Variants in ZKSCAN1 observed in about 807,000 individuals in gnomAD.
The protein encoded by ZKSCAN1 is zinc finger protein with KRAB and SCAN domains 1.
In ZKSCAN1, 14 loss-of-function variants were observed where a neutral mutation model predicts 51.6. The observed-to-expected ratio is 0.27, with a 90% CI of 0.18 to 0.42. The LOEUF is 0.42. ZKSCAN1 is among the 10% of genes least tolerant of loss of function. The probability of loss-of-function intolerance (pLI) is 1.00; values close to 1 mark genes in which losing one functional copy is unlikely to be tolerated. For synonymous variants in ZKSCAN1, 263 were observed against 261.5 expected (o/e 1.01, Z -0.06); for missense variants, 531 against 710.0 (o/e 0.75, Z 2.86).
chr7:100,037,971 G>C lies in ZKSCAN1; in HGVS notation c.*3774G>C, dbSNP rs1280670927. On this transcript the variant is annotated 3_prime_UTR_variant, in exon 6 of 6. Transcript: ENST00000324306. ...CGAGGCGGAGGTTGCAGTGAGCTAA[G>C]ATCATGCCACTGGCACTCCAGCCTT... 5.3e-5 allele frequency: 51 copies of C among 966,096 alleles called. No homozygotes were observed. Among genetic ancestry groups the C allele is most frequent in the Non-Finnish European group, 6.0e-5 (49 of 812,662 alleles). 59.8% of individuals were successfully genotyped at this position (966,096 alleles called of 1,614,324 possible). A position where few individuals can be genotyped will look rare whatever the true frequency, so the allele number is the denominator to read the frequency against.
chr7:100,016,323 T>G (rs1250299700), intron 1 of ZKSCAN1, among the ~76,000 whole-genome samples: 1 of 151,998 alleles, frequency 6.6e-6, no homozygotes, highest in Non-Finnish European at 1.5e-5. Context: ...TAGTAGAGAT[T>G]ATATACACCC....
rs879836551 is a variant in ZKSCAN1 at position 100,037,526 on chromosome 7, G to A, written c.*3329G>A. The A allele has an allele frequency of 3.0e-6, 3 of 985,458 alleles. No homozygotes were observed. Among genetic ancestry groups the A allele is most frequent in the Non-Finnish European group, 3.6e-6 (3 of 829,938 alleles). The allele number at this position is 985,458 out of a possible 1,614,324, so 61.0% of individuals were successfully genotyped here. On this transcript the variant is annotated 3_prime_UTR_variant, in exon 6 of 6. Coordinates refer to ENST00000324306, the MANE Select transcript of ZKSCAN1 (RefSeq NM_003439.4). Reference sequence around the variant, plus strand: ...ATCAGAGAATTTATTCCAGAAAGGAGCCTCCTGAATGTGATGAATACGGCA... The same window carrying A: ...ATCAGAGAATTTATTCCAGAAAGGAACCTCCTGAATGTGATGAATACGGCA...
At position 100,038,604 on chromosome 7, in the gene ZKSCAN1, G is replaced by C; in HGVS notation, c.*4407G>C. On this transcript the variant is annotated 3_prime_UTR_variant, in exon 6 of 6. Transcript: ENST00000324306. Reference sequence around the variant, plus strand: ...CTTCTCCATGAAGCGAGAGTAGGAAGTGTACTGGAATGGCCAAGTGGGACT... The same window carrying C: ...CTTCTCCATGAAGCGAGAGTAGGAACTGTACTGGAATGGCCAAGTGGGACT... 1.0e-6 allele frequency: 1 copy of C among 985,470 alleles called. No homozygotes were observed. Among genetic ancestry groups the C allele is most frequent in the Non-Finnish European group, 1.2e-6 (1 of 829,946 alleles). 61.0% of individuals were successfully genotyped at this position (985,470 alleles called of 1,614,324 possible).
At position 100,040,401 on chromosome 7, in the gene ZKSCAN1, T is replaced by G; in HGVS notation, c.*6204T>G. 1 of 985,446 alleles carries G rather than the reference T, an allele frequency of 1.0e-6. No homozygotes were observed. Among genetic ancestry groups the G allele is most frequent in the Non-Finnish European group, 1.2e-6 (1 of 829,934 alleles). The allele number at this position is 985,446 out of a possible 1,614,324, so 61.0% of individuals were successfully genotyped here. A position where few individuals can be genotyped will look rare whatever the true frequency, so the allele number is the denominator to read the frequency against. ...TTAATTCAAATTGCACAGTAATCAG[T>G]AAAGTGAATACGTTTTTAAAATGGA... On this transcript the variant is annotated 3_prime_UTR_variant, in exon 6 of 6. Coordinates refer to ENST00000324306, the MANE Select transcript of ZKSCAN1 (RefSeq NM_003439.4).
chr7:100,035,725 A>C lies in ZKSCAN1; in HGVS notation c.*1528A>C, dbSNP rs1268870763. 30 of 496,700 alleles carry C rather than the reference A, an allele frequency of 6.0e-5. No individual in the cohort carries two copies. The highest frequency in any genetic ancestry group is 7.0e-5 in the Non-Finnish European group (27 of 383,474). The allele number at this position is 496,700 out of a possible 1,614,324, so 30.8% of individuals were successfully genotyped here. ...TGTGCCATCGTCATAGTGCACAGTG[A>C]CTTTTCTGTTTCTTATCACTAAAGA... On this transcript the variant is annotated 3_prime_UTR_variant, in exon 6 of 6. Coordinates refer to ENST00000324306, the MANE Select transcript of ZKSCAN1 (RefSeq NM_003439.4).
rs889997036 is a variant in ZKSCAN1 at position 100,029,943 on chromosome 7, G to A, written c.663G>A (p.Ala221=). 1.5e-5 allele frequency: 24 copies of A among 1,613,994 alleles called. No homozygotes were observed. The highest frequency in any genetic ancestry group is 4.5e-5 in the East Asian group (2 of 44,888). Residue 221 remains alanine (A), a synonymous_variant, in exon 4 of 6, where the codon GCG becomes GCA. Transcript: ENST00000324306. Reference sequence around the variant, plus strand: ...CGATGGCATCTGCACTATTCACAGCGGATTCCCAGGTGAGCTGTGGCCCCT... The same window carrying A: ...CGATGGCATCTGCACTATTCACAGCAGATTCCCAGGTGAGCTGTGGCCCCT... ...DQAMASALFT[A]DSQAMVKIED...
chr7:100,027,798 T>C (rs997105540), intron 3 of ZKSCAN1, among the ~76,000 whole-genome samples: 4 of 149,700 alleles, frequency 2.7e-5, no homozygotes, highest in African/African-American at 4.9e-5. Context: ...ACTCCACTAC[T>C]GTTGATGTTC....
Position 100,041,479 on chromosome 7 carries a change from T to C in ZKSCAN1, c.*7282T>C, listed in dbSNP as rs1006456947. ...ACCATTGGAAACCTCGAATGAGGGC[T>C]AAAGTTTTAATCATAAGAGAAAAGG... On this transcript the variant is annotated 3_prime_UTR_variant, in exon 6 of 6. Transcript: ENST00000324306. The C allele has an allele frequency of 1.2e-5, 12 of 985,336 alleles. No homozygotes were observed. In the African/African-American group the frequency reaches 1.7e-4, roughly 14 times the overall value. The allele number at this position is 985,336 out of a possible 1,614,324, so 61.0% of individuals were successfully genotyped here.
Position 100,024,267 on chromosome 7 carries a change from C to A in ZKSCAN1, c.540C>A (p.Phe180Leu). The change falls in exon 3 of 6, where the codon TTC becomes TTA. Residue 180 changes from phenylalanine to leucine, a missense_variant. Physicochemically the swap from Phe to Leu is conservative, Grantham distance 22. Around this residue, in one of 2 missense-constraint regions of ZKSCAN1, gnomAD observed 403 missense variants for 490.5 expected, o/e 0.82. Coordinates refer to ENST00000324306, the MANE Select transcript of ZKSCAN1 (RefSeq NM_003439.4). Reference protein sequence around the residue: ...DLHHEATQSHFKHSSRKPRLL... With the variant: ...DLHHEATQSHLKHSSRKPRLL... The stretch of plus-strand genomic sequence containing the variant: ...ATCACGAGGCCACCCAGTCCCACTT[C>A]AAACATTCGTCTCGGAAACCCCGCC... 6.2e-7 allele frequency: 1 copy of A among 1,614,072 alleles called. No individual in the cohort carries two copies. The highest frequency in any genetic ancestry group is 8.5e-7 in the Non-Finnish European group (1 of 1,180,030).
At chr7:100,044,641 A>T (rs1791679027), downstream of ZKSCAN1, 1 of 357,010 alleles carries the variant, frequency 2.8e-6, no homozygotes, top group African/African-American at 2.3e-5. Context: ...AGATCGTGCC[A>T]CTGCACTCCA....
chr7:100,022,785 G>A (rs1037573066), intron 1 of ZKSCAN1, among the ~76,000 whole-genome samples: 1 of 152,150 alleles, frequency 6.6e-6, no homozygotes, highest in South Asian at 2.1e-4. Flanking sequence ...AGAAGATGGT[G>A]CGTGTACTGC....
chr7:100,033,348 T>C lies in ZKSCAN1; in HGVS notation c.843T>C (p.Ala281=), dbSNP rs767123962. Residue 281 remains alanine, a synonymous_variant, in exon 6 of 6, where the codon GCT becomes GCC. Transcript: ENST00000324306. The surrounding 1 kb of genome is among the most constrained non-coding windows in gnomAD (Gnocchi z 4.1). ...AGAACGAGGAGTCAACCTCAAAGGC[T>C]GAAACCTCGGAAGATTCAGCATCAC... The part of the protein sequence containing the change: ...RNENEESTSK[A]ETSEDSASRG... The C allele has an allele frequency of 6.2e-7, 1 of 1,613,540 alleles. No homozygotes were observed. Among genetic ancestry groups the C allele is most frequent in the East Asian group, 2.2e-5 (1 of 44,876 alleles).
In ZKSCAN1 at chr7:100,033,373, C is replaced by T. The variant is rs753718927; in HGVS notation, c.868C>T (p.Arg290Cys). ...KAETSEDSAS[R>C]GETTGRSQKE... ...TGAAACCTCGGAAGATTCAGCATCA[C>T]GCGGGGAGACAACAGGAAGATCCCA... The change falls in exon 6 of 6, where the codon CGC (arginine) becomes TGC (cysteine). Residue 290 changes from arginine (R) to cysteine (C), a missense_variant. Physicochemically the swap from Arg to Cys is radical, Grantham distance 180. Around this residue, in one of 2 missense-constraint regions of ZKSCAN1, gnomAD observed 403 missense variants for 490.5 expected, o/e 0.82. Coordinates refer to ENST00000324306, the MANE Select transcript of ZKSCAN1 (RefSeq NM_003439.4). This position sits in a 1 kb window ranked among gnomAD's most constrained non-coding sequence, Gnocchi z 4.1. 14 of 1,613,840 alleles carry T rather than the reference C, an allele frequency of 8.7e-6. No homozygotes were observed. The highest frequency in any genetic ancestry group is 1.6e-4 in the Middle Eastern group (1 of 6,084).
chr7:100,043,108 G>C (rs1584360786), downstream of ZKSCAN1, among the ~76,000 whole-genome samples: 1 of 151,520 alleles, frequency 6.6e-6, no homozygotes, highest in Non-Finnish European at 1.5e-5. Flanking sequence ...CCTTTTTTGG[G>C]TATTTTTTGT....
rs1791526186 is a variant in ZKSCAN1 at position 100,040,007 on chromosome 7, A to G, written c.*5810A>G. On this transcript the variant is annotated 3_prime_UTR_variant, in exon 6 of 6. Coordinates refer to ENST00000324306, the MANE Select transcript of ZKSCAN1 (RefSeq NM_003439.4). ...TAGGGTTTTTTTTTTTAGAGTGGAC[A>G]CACTACATTTAAAAGCAATTATTTT... 1.1e-6 allele frequency: 1 copy of G among 883,976 alleles called. No homozygotes were observed. Among genetic ancestry groups the G allele is most frequent in the African/African-American group, 1.8e-5 (1 of 54,992 alleles). The allele number at this position is 883,976 out of a possible 1,614,324, so 54.8% of individuals were successfully genotyped here. A position where few individuals can be genotyped will look rare whatever the true frequency, so the allele number is the denominator to read the frequency against.
rs1408213483 is a variant in ZKSCAN1, at chr7:100,038,421, A to G, written c.*4224A>G. On this transcript the variant is annotated 3_prime_UTR_variant, in exon 6 of 6. Coordinates refer to ENST00000324306, the MANE Select transcript of ZKSCAN1 (RefSeq NM_003439.4). ...TGCTTATCACATCAAGAGATTGGTAAATTTCTGAGGAAAGACAGGCTAATG... is the reference window on the plus strand; with the variant it reads ...TGCTTATCACATCAAGAGATTGGTAGATTTCTGAGGAAAGACAGGCTAATG... The G allele has an allele frequency of 1.0e-6, 1 of 985,312 alleles. No homozygotes were observed. The highest frequency in any genetic ancestry group is 1.7e-5 in the African/African-American group (1 of 57,236). The allele number at this position is 985,312 out of a possible 1,614,324, so 61.0% of individuals were successfully genotyped here.
rs1309488798 is a variant in ZKSCAN1 at position 100,035,352 on chromosome 7, C to T, written c.*1155C>T. 2.0e-5 allele frequency: 3 copies of T among 152,212 alleles called. No individual in the cohort carries two copies. The highest frequency in any genetic ancestry group is 7.2e-5 in the African/African-American group (3 of 41,528). 9.4% of individuals were successfully genotyped at this position (152,212 alleles called of 1,614,324 possible). A position where few individuals can be genotyped will look rare whatever the true frequency, so the allele number is the denominator to read the frequency against. ...GACTTTCTAAACAGTGAGTAAATAC[C>T]ATGGAATGTCAGAAATGACTTTATC... is the stretch of plus-strand genomic sequence containing the variant. On this transcript the variant is annotated 3_prime_UTR_variant, in exon 6 of 6. Coordinates refer to ENST00000324306, the MANE Select transcript of ZKSCAN1 (RefSeq NM_003439.4).
At chr7:100,030,477 G>A (rs1791060385) in intron 5 of ZKSCAN1, 102 bp downstream of exon 5, 1 of 1,390,984 alleles carries the variant, frequency 7.2e-7, no homozygotes, top group Non-Finnish European at 9.7e-7. Context: ...AGGAGTTAGA[G>A]ACTACCTATC....
downstream of ZKSCAN1, chr7:100,044,849 G>C: frequency 1.0e-6 from 1 of 985,360 alleles, no homozygotes; most frequent in Non-Finnish European, 1.2e-6. Context: ...AAAAGGACAT[G>C]TTCGGAGTTG....
Sources: gnomAD v4.1 joint callset for allele counts (sites outside exome capture counted in the v4.1 genomes callset) on GRCh38, gnomAD v4.1.1 for gene constraint, gnomAD v4.1.1 regional missense constraint, Gnocchi (gnomAD v3.1) non-coding constraint, MANE v1.5 for transcripts, NCBI Gene and HGNC (gene_info 2026-07-23, HGNC 2026-07-21) for gene names.